WDR27: variants seen among roughly 807,000 people sequenced by gnomAD.
The protein encoded by WDR27 is WD repeat-containing protein 27.
WDR27 carries 100 observed loss-of-function variants against 114.4 expected under a neutral mutation model. The ratio of observed to expected loss-of-function variants is 0.87; its 90% CI spans 0.74 to 1.03. WDR27 has a LOEUF of 1.03. Ranked by LOEUF, WDR27 falls within the 50% of genes least tolerant of loss-of-function variation. The pLI is 0.00. For synonymous variants in WDR27, 449 were observed against 423.1 expected, an observed-to-expected ratio of 1.06 and a Z score of -0.75; for missense variants, 1,129 against 1,092.9, an observed-to-expected ratio of 1.03 and a Z score of -0.47.
chr6:169,634,804 C>G (rs1038492063), intron 19 of WDR27, among the ~76,000 whole-genome samples: 2 of 152,190 alleles, frequency 1.3e-5, no homozygotes, highest in Admixed American at 6.5e-5. Flanking sequence ...AATGCACCAG[C>G]CTTTTTCTAT....
At position 169,659,788 on chromosome 6, in the gene WDR27, G is replaced by C. The variant is rs1027753971; in HGVS notation, c.1130-270C>G. The stretch of plus-strand genomic sequence containing the variant: ...GAGGCTGGGATGTGACTCGGACTGA[G>C]ACCTGCAGCTCAGCCTCCTGGAGAA... On this transcript the variant is annotated intron_variant, in intron 10 of 25. Transcript: ENST00000448612. The surrounding 1 kb of genome is among the most constrained non-coding windows in gnomAD (Gnocchi z 4.3). Among the ~76,000 whole-genome samples the C allele has an allele frequency of 1.3e-5, 2 of 152,158 alleles. No individual in the cohort carries two copies. Among genetic ancestry groups the C allele is most frequent in the South Asian group, 2.1e-4 (1 of 4,830 alleles).
intron 25 of WDR27, among the ~76,000 whole-genome samples, chr6:169,496,419 A>G (rs1165816557): frequency 1.3e-5 from 2 of 152,128 alleles, no homozygotes; most frequent in Non-Finnish European, 2.9e-5. Flanking sequence ...TCCCACTTCT[A>G]TTCAACACAG....
intron 1 of WDR27, among the ~76,000 whole-genome samples, chr6:169,690,987 G>A (rs920844092): frequency 7.2e-5 from 11 of 152,140 alleles, no homozygotes; most frequent in Non-Finnish European, 1.3e-4. Context: ...AGGCCGAGGC[G>A]GGCGGATCAC....
chr6:169,672,237 T>C lies in WDR27; in HGVS notation c.331+18A>G. Reference sequence around the variant, plus strand: ...CCTTTTGCAGGTTTTTAAAAACATGTTTTAGATTTTCATTTACCTTGAAGT... The same window carrying C: ...CCTTTTGCAGGTTTTTAAAAACATGCTTTAGATTTTCATTTACCTTGAAGT... On this transcript the variant is annotated intron_variant, in intron 3 of 25. Transcript: ENST00000448612. The C allele has an allele frequency of 6.2e-7, 1 of 1,610,244 alleles. No individual in the cohort carries two copies. The highest frequency in any genetic ancestry group is 8.5e-7 in the Non-Finnish European group (1 of 1,178,202).
chr6:169,638,682 G>C, intron 17 of WDR27, 22 bp from the exon 18 acceptor site: 1 of 1,585,522 alleles, frequency 6.3e-7, no homozygotes, highest in African/African-American at 1.3e-5. Flanking sequence ...GACCACAGAA[G>C]GTTACTATTT....
At chr6:169,491,964 A>G (rs78868755) in intron 25 of WDR27, among the ~76,000 whole-genome samples, 1 of 152,232 alleles carries the variant, frequency 6.6e-6, no homozygotes, top group Non-Finnish European at 1.5e-5. Flanking sequence ...AAATAAATCT[A>G]TAAATTAAAA....
intron 21 of WDR27, among the ~76,000 whole-genome samples, chr6:169,625,145 G>A (rs562014490): frequency 4.6e-5 from 7 of 152,298 alleles, no homozygotes; most frequent in South Asian, 4.1e-4. Flanking sequence ...CTGGGTCCAC[G>A]ATGGCCCTGC....
At chr6:169,456,433 C>G (rs986798599), downstream of WDR27, among the ~76,000 whole-genome samples, 8 of 152,114 alleles carry the variant, frequency 5.3e-5, no homozygotes, top group Admixed American at 6.5e-5. This position sits in a 1 kb window ranked among gnomAD's most constrained non-coding sequence, Gnocchi z 4.0. Context: ...ATAAAAGAGA[C>G]CACTCTAGAT....
chr6:169,652,945 C>T (rs1001709227), intron 13 of WDR27, among the ~76,000 whole-genome samples: 3 of 151,252 alleles, frequency 2.0e-5, no homozygotes, highest in South Asian at 2.1e-4. Flanking sequence ...CTAAATGAAG[C>T]GTATGTAAGA....
intron 25 of WDR27, among the ~76,000 whole-genome samples, chr6:169,514,663 A>T (rs1197522350): frequency 6.7e-6 from 1 of 148,702 alleles, no homozygotes; most frequent in Admixed American, 6.7e-5. Context: ...TTAATACACT[A>T]AGAGCAAGTT....
chr6:169,689,724 G>C (rs905519869), intron 1 of WDR27, among the ~76,000 whole-genome samples: 1 of 152,226 alleles, frequency 6.6e-6, no homozygotes, highest in Non-Finnish European at 1.5e-5. Flanking sequence ...CCTTGATTCT[G>C]TTGTACCCCA....
intron 25 of WDR27, among the ~76,000 whole-genome samples, chr6:169,510,548 G>A (rs918803568): frequency 2.4e-4 from 35 of 148,368 alleles, no homozygotes; most frequent in Middle Eastern, 3.4e-3. Context: ...ACCAAACACC[G>A]CATGTTCTCA....
chr6:169,436,319 T>C, the WDR27 span, among the ~76,000 whole-genome samples: 204 of 152,318 alleles, frequency 1.3e-3, no homozygotes, highest in Non-Finnish European at 1.1e-3. Flanking sequence ...GACAGGATTA[T>C]ATTTTTCTCT....
chr6:169,614,066 C>T (rs1290363415), intron 21 of WDR27, among the ~76,000 whole-genome samples: 1 of 152,158 alleles, frequency 6.6e-6, no homozygotes, highest in Non-Finnish European at 1.5e-5. Context: ...CCCTAAATGA[C>T]ACTCAGCAGG....
At chr6:169,607,421 CACAT>C (rs1268767521) in intron 22 of WDR27, among the ~76,000 whole-genome samples, 2 of 43,002 alleles carry the variant, frequency 4.7e-5, no homozygotes, top group African/African-American at 9.3e-5. Context: ...CACACACACA[CACAT>C]ATAATATAAT....
intron 21 of WDR27, among the ~76,000 whole-genome samples, chr6:169,629,416 A>G (rs2128211411): frequency 6.6e-6 from 1 of 152,322 alleles, no homozygotes; most frequent in Middle Eastern, 3.4e-3. Flanking sequence ...AAAAGAACAA[A>G]AAGAGAAAGA....
chr6:169,486,902 ACAT>A (rs1441793231), intron 25 of WDR27, among the ~76,000 whole-genome samples: 1 of 152,220 alleles, frequency 6.6e-6, no homozygotes, highest in African/African-American at 2.4e-5. Flanking sequence ...GGAGTAAATC[ACAT>A]CTAACTCTAA....
Position 169,570,351 on chromosome 6 carries a change from G to A in WDR27, c.2645+2068C>T, listed in dbSNP as rs540100151. 2.6e-5 allele frequency among the ~76,000 whole-genome samples: 4 copies of A among 152,340 alleles called. No homozygotes were observed. In the East Asian group the frequency reaches 7.7e-4, roughly 29 times the overall value. ...TGCTAGACCAGGTGGGACCCAGAGG[G>A]AAGACAGGAGAGAAAAAGAACCTTC... On this transcript the variant is annotated intron_variant, in intron 25 of 25. Transcript: ENST00000448612.
At chr6:169,491,333 G>A (rs905736855) in intron 25 of WDR27, among the ~76,000 whole-genome samples, 2 of 152,056 alleles carry the variant, frequency 1.3e-5, no homozygotes, top group African/African-American at 2.4e-5. Flanking sequence ...GGTGTAGGGT[G>A]GGGTTACTTA....
Sources: gnomAD v4.1 joint callset for allele counts (sites outside exome capture counted in the v4.1 genomes callset) on GRCh38, gnomAD v4.1.1 for gene constraint, Gnocchi (gnomAD v3.1) non-coding constraint, MANE v1.5 for transcripts, NCBI Gene and HGNC (gene_info 2026-07-23, HGNC 2026-07-21) for gene names.